The following CST3 variants were observed in gnomAD, a reference collection of about 807,000 sequenced individuals.
CST3 encodes cystatin-C.
Under a neutral mutation model 9.0 loss-of-function variants are expected in CST3, and 14 were observed. The observed-to-expected ratio is 1.56, with a 90% CI of 1.03 to 2.44. The LOEUF is 2.44. CST3 is among the 30% of genes most tolerant of loss of function. The probability of loss-of-function intolerance (pLI) is 0.00; values close to 1 mark genes in which losing one functional copy is unlikely to be tolerated. For synonymous variants in CST3, 96 were observed against 90.2 expected (o/e 1.06, Z -0.37); for missense variants, 237 against 204.3 (o/e 1.16, Z -0.98).
At chr20:23,631,097 T>C (rs1979437175), downstream of CST3, among the ~76,000 whole-genome samples, 1 of 152,104 alleles carries the variant, frequency 6.6e-6, no homozygotes, top group Non-Finnish European at 1.5e-5. Context: ...GAAATACATT[T>C]AGAAAACAAA....
chr20:23,637,185 T>C (rs1979710162), intron 1 of CST3, among the ~76,000 whole-genome samples: 1 of 152,306 alleles, frequency 6.6e-6, no homozygotes, highest in South Asian at 2.1e-4. Context: ...GAATAAAAAG[T>C]TAAAAGAAAC....
chr20:23,633,976 G>C lies in CST3; in HGVS notation c.381C>G (p.Ile127Met), dbSNP rs1135147. ...TTGTGCCCTGCCAAGGCACAGCGTA[G>C]ATCTGGAAAGAGCAGAATGCTTTCT... is the stretch of plus-strand genomic sequence containing the variant. ...LKRKAFCSFQIYAVPWQGTMT... is the reference protein window; with the variant it reads ...LKRKAFCSFQMYAVPWQGTMT... The change falls in exon 3 of 3, where the codon ATC (isoleucine) becomes ATG (methionine). Residue 127 changes from isoleucine to methionine, a missense_variant. By Grantham distance (10) the Ile-to-Met change is conservative (BLOSUM62 1). Transcript: ENST00000376925. 3.7e-6 allele frequency: 6 copies of C among 1,613,978 alleles called. No individual in the cohort carries two copies. The highest frequency in any genetic ancestry group is 2.2e-5 in the South Asian group (2 of 91,088).
chr20:23,634,679 A>G (rs945680850), intron 2 of CST3, among the ~76,000 whole-genome samples: 11 of 152,058 alleles, frequency 7.2e-5, no homozygotes, highest in Non-Finnish European at 2.9e-5. Context: ...GCAGTCCAGT[A>G]GGCAACACTC....
At position 23,633,957 on chromosome 20, in the gene CST3, C is replaced by T. The variant is rs762473017; in HGVS notation, c.400G>A (p.Gly134Ser). The T allele has an allele frequency of 1.1e-5, 18 of 1,614,018 alleles. No individual in the cohort carries two copies. The highest frequency in any genetic ancestry group is 1.5e-5 in the Non-Finnish European group (18 of 1,180,028). Residue 134 changes from glycine to serine, a missense_variant, in exon 3 of 3, where the codon GGC (glycine) becomes AGC (serine). By Grantham distance (56) the Gly-to-Ser change is moderately conservative. Transcript: ENST00000376925. Reference protein sequence around the residue: ...SFQIYAVPWQGTMTLSKSTCQ... With the variant: ...SFQIYAVPWQSTMTLSKSTCQ... ...GTGGATTTCGACAAGGTCATTGTGC[C>T]CTGCCAAGGCACAGCGTAGATCTGG...
downstream of CST3, among the ~76,000 whole-genome samples, chr20:23,630,041 A>G (rs1290099367): frequency 6.6e-6 from 1 of 152,216 alleles, no homozygotes; most frequent in Non-Finnish European, 1.5e-5. Context: ...CCATGAGACT[A>G]TCTTTACCTG....
At chr20:23,630,216 TGCCATGTGCAGCCAGGCTCCCCAGTGAC>T (rs1979404378), downstream of CST3, among the ~76,000 whole-genome samples, 1 of 152,166 alleles carries the variant, frequency 6.6e-6, no homozygotes, top group Non-Finnish European at 1.5e-5. Flanking sequence ...ATCATGGGAT[TGCCATGTGCAGCCAGGCTCCCCAGTGAC>T]GCCATGTACA....
In CST3 at chr20:23,635,311, G is replaced by A. The variant is rs200401591; in HGVS notation, c.300C>T (p.Thr100=). ...AGTTGTCCAAGTTGGGCTGGGTCTT[G>A]GTACACGTGGTTCGGCCCAGCTCCA... ...LDVELGRTTC[T]KTQPNLDNCP... The change falls in exon 2 of 3, where the codon ACC becomes ACT. Residue 100 remains threonine (T), a synonymous_variant. Transcript: ENST00000376925. 1.2e-6 allele frequency: 2 copies of A among 1,614,116 alleles called. No homozygotes were observed. Among genetic ancestry groups the A allele is most frequent in the Admixed American group, 1.7e-5 (1 of 60,010 alleles).
chr20:23,635,118 CAT>C, intron 2 of CST3, 134 bp downstream of exon 2: 1 of 791,544 alleles, frequency 1.3e-6, no homozygotes, highest in Non-Finnish European at 2.2e-6. Context: ...CTTGGAAACA[CAT>C]ATGCATCTCC....
rs749239566 is a variant in CST3 at position 23,635,320 on chromosome 20, G to A, written c.291C>T (p.Thr97=). 2 of 1,613,850 alleles carry A rather than the reference G, an allele frequency of 1.2e-6. No homozygotes were observed. The highest frequency in any genetic ancestry group is 8.5e-7 in the Non-Finnish European group (1 of 1,179,758). ...NYFLDVELGR[T]TCTKTQPNLD... is the part of the protein sequence containing the mutation. ...AGTTGGGCTGGGTCTTGGTACACGTGGTTCGGCCCAGCTCCACGTCCAAGA... is the reference window on the plus strand; with the variant it reads ...AGTTGGGCTGGGTCTTGGTACACGTAGTTCGGCCCAGCTCCACGTCCAAGA... The change falls in exon 2 of 3, where the codon ACC becomes ACT. Residue 97 remains threonine, a synonymous_variant. Coordinates refer to ENST00000376925, the MANE Select transcript of CST3 (RefSeq NM_000099.4).
chr20:23,631,376 C>T (rs1979446647), downstream of CST3, among the ~76,000 whole-genome samples: 1 of 152,178 alleles, frequency 6.6e-6, no homozygotes, highest in Admixed American at 6.5e-5. Context: ...CTGCTGTTTA[C>T]TGTAAATCCA....
chr20:23,635,378 G>C lies in CST3; in HGVS notation c.244-11C>G. ...CACCCCAGCTACGATCTACACATGT[G>C]AAAGAGCAGGAGGCAGGGACAGCAC... On this transcript the variant is annotated splice_polypyrimidine_tract_variant and intron_variant, in intron 1 of 2. Transcript: ENST00000376925. The C allele has an allele frequency of 1.2e-6, 2 of 1,609,684 alleles. No individual in the cohort carries two copies. Among genetic ancestry groups the C allele is most frequent in the Admixed American group, 1.7e-5 (1 of 59,766 alleles).
chr20:23,635,182 TCACACACACACA>T, intron 2 of CST3, 60 bp downstream of exon 2: 2 of 1,103,372 alleles, frequency 1.8e-6, no homozygotes, highest in Admixed American at 1.8e-5. Context: ...AACATGTGCA[TCACACACACACA>T]CACACACACA....
chr20:23,630,064 G>A (rs932914888), downstream of CST3, among the ~76,000 whole-genome samples: 6 of 152,226 alleles, frequency 3.9e-5, no homozygotes, highest in Non-Finnish European at 8.8e-5. Context: ...GCAATTTGCA[G>A]ATGTTTTAGG....
At chr20:23,635,178 T>C in intron 2 of CST3, 76 bp downstream of exon 2, 2 of 1,195,552 alleles carry the variant, frequency 1.7e-6, no homozygotes, top group South Asian at 1.2e-5. Context: ...GCAGAACATG[T>C]GCATCACACA....
downstream of CST3, chr20:23,633,653 G>A: frequency 1.7e-6 from 1 of 595,372 alleles, no homozygotes. Flanking sequence ...AGAACTCAGA[G>A]GGAGCCGATG....
At chr20:23,631,720 C>A (rs1002474053), downstream of CST3, 7 of 152,174 alleles carry the variant, frequency 4.6e-5, no homozygotes, top group African/African-American at 1.7e-4. Flanking sequence ...AGCTACTGGG[C>A]CCTTCCTGAT....
At chr20:23,630,728 C>T (rs1249041719), downstream of CST3, among the ~76,000 whole-genome samples, 1 of 151,578 alleles carries the variant, frequency 6.6e-6, no homozygotes, top group Non-Finnish European at 1.5e-5. Context: ...GTGGCAACAT[C>T]CCAAGCCTCT....
At chr20:23,630,055 CA>C (rs1490763134), downstream of CST3, among the ~76,000 whole-genome samples, 1 of 152,204 alleles carries the variant, frequency 6.6e-6, no homozygotes, top group Non-Finnish European at 1.5e-5. Context: ...TTACCTGCTG[CA>C]ATTTGCAGAT....
Position 23,635,303 on chromosome 20 carries a change from T to C in CST3, c.308A>G (p.Gln103Arg). 4 of 1,614,110 alleles carry C rather than the reference T, an allele frequency of 2.5e-6. No individual in the cohort carries two copies. Among genetic ancestry groups the C allele is most frequent in the Non-Finnish European group, 2.5e-6 (3 of 1,179,984 alleles). ...ELGRTTCTKT[Q>R]PNLDNCPFHD... ...GAAGGGGCAGTTGTCCAAGTTGGGCTGGGTCTTGGTACACGTGGTTCGGCC... is the reference window on the plus strand; with the variant it reads ...GAAGGGGCAGTTGTCCAAGTTGGGCCGGGTCTTGGTACACGTGGTTCGGCC... Residue 103 changes from glutamine (Q) to arginine (R), a missense_variant, in exon 2 of 3, where the codon CAG becomes CGG. By Grantham distance (43) the Gln-to-Arg change is conservative (BLOSUM62 1). Coordinates refer to ENST00000376925, the MANE Select transcript of CST3 (RefSeq NM_000099.4).
Sources: gnomAD v4.1 joint callset for allele counts (sites outside exome capture counted in the v4.1 genomes callset) on GRCh38, gnomAD v4.1.1 for gene constraint, MANE v1.5 for transcripts, NCBI Gene and HGNC (gene_info 2026-07-23, HGNC 2026-07-21) for gene names.